The following CFAP69 variants were observed in gnomAD, a reference collection of about 807,000 sequenced individuals.
The protein encoded by CFAP69 is cilia and flagella associated protein 69, also known as cilia- and flagella-associated protein 69.
In CFAP69, 92 loss-of-function variants were observed where a neutral mutation model predicts 123.0. That is an observed-to-expected ratio of 0.75 (90% confidence interval 0.63 to 0.89). CFAP69 has a LOEUF of 0.89. CFAP69 is among the 40% of genes least tolerant of loss of function. The pLI is 0.00. For synonymous variants in CFAP69, 380 were observed against 364.3 expected, an observed-to-expected ratio of 1.04 and a Z score of -0.49; for missense variants, 1,067 against 1,096.9, an observed-to-expected ratio of 0.97 and a Z score of 0.39.
intron 1 of CFAP69, among the ~76,000 whole-genome samples, chr7:90,251,088 A>G (rs1026736002): frequency 1.3e-5 from 2 of 152,154 alleles, no homozygotes; most frequent in African/African-American, 4.8e-5. Context: ...ACAGCATACA[A>G]GATGATCTTT....
At position 90,265,377 on chromosome 7, in the gene CFAP69, G is replaced by T. The variant is rs1799011033; in HGVS notation, c.433G>T (p.Gly145Cys). 6.2e-7 allele frequency: 1 copy of T among 1,600,190 alleles called. No individual in the cohort carries two copies. The highest frequency in any genetic ancestry group is 8.6e-7 in the Non-Finnish European group (1 of 1,169,024). The change falls in exon 5 of 23, where the codon GGT (glycine) becomes TGT (cysteine). Residue 145 changes from glycine to cysteine, a missense_variant and splice_region_variant. Gly to Cys is a radical substitution (Grantham distance 159). Transcript: ENST00000389297. ...EDTANSIALL[G>C]DLMKIPSSEL... Reference sequence around the variant, plus strand: ...TACTGCTAATTCAATTGCACTTCTGGGTAAGTTAAGATTTCCTTAAGGTAT... The same window carrying T: ...TACTGCTAATTCAATTGCACTTCTGTGTAAGTTAAGATTTCCTTAAGGTAT...
intron 6 of CFAP69, among the ~76,000 whole-genome samples, chr7:90,269,275 C>T (rs546200568): frequency 2.7e-4 from 41 of 151,930 alleles, no homozygotes; most frequent in Admixed American, 1.2e-3. Flanking sequence ...GCAACAGGAC[C>T]AGAAATACAG....
At chr7:90,299,797 T>G (rs1792506328) in intron 16 of CFAP69, 70 bp from the exon 17 acceptor site, 1 of 923,680 alleles carries the variant, frequency 1.1e-6, no homozygotes, top group Non-Finnish European at 1.4e-6. Flanking sequence ...TGTTTCTCTC[T>G]TTTTTTTTTG....
chr7:90,290,978 C>T (rs1426665107), intron 15 of CFAP69, among the ~76,000 whole-genome samples: 1 of 151,930 alleles, frequency 6.6e-6, no homozygotes, highest in African/African-American at 2.4e-5. Flanking sequence ...CAAGTAGCCC[C>T]GGCAGCAGCT....
chr7:90,296,437 C>T (rs1213916925), intron 15 of CFAP69, among the ~76,000 whole-genome samples: 1 of 152,076 alleles, frequency 6.6e-6, no homozygotes, highest in Non-Finnish European at 1.5e-5. Flanking sequence ...AAGCTATTCT[C>T]CTGCCTCAGG....
At chr7:90,290,352 C>G (rs1790948758) in intron 15 of CFAP69, among the ~76,000 whole-genome samples, 1 of 152,132 alleles carries the variant, frequency 6.6e-6, no homozygotes, top group African/African-American at 2.4e-5. Flanking sequence ...GCTTGAAGCC[C>G]AAGAAGAGCA....
chr7:90,314,868 C>T (rs189424070), downstream of CFAP69, among the ~76,000 whole-genome samples: 17 of 151,712 alleles, frequency 1.1e-4, no homozygotes, highest in East Asian at 3.3e-3. Context: ...TATCGCTCCC[C>T]CCCCTGCTTT....
At chr7:90,299,723 G>C in intron 16 of CFAP69, 144 bp from the exon 17 acceptor site, 1 of 600,470 alleles carries the variant, frequency 1.7e-6, no homozygotes, top group Non-Finnish European at 2.8e-6. Context: ...ATTACAATGG[G>C]TGTCCATTTT....
chr7:90,295,475 C>T (rs1420415392), intron 15 of CFAP69, among the ~76,000 whole-genome samples: 1 of 152,174 alleles, frequency 6.6e-6, no homozygotes, highest in Non-Finnish European at 1.5e-5. Flanking sequence ...TGGTTTGGGG[C>T]TGAGGGCTTT....
At chr7:90,315,345 G>A (rs1291405006), downstream of CFAP69, among the ~76,000 whole-genome samples, 1 of 152,118 alleles carries the variant, frequency 6.6e-6, no homozygotes, top group Non-Finnish European at 1.5e-5. Context: ...CAAAGACATG[G>A]AATCAACCTA....
intron 9 of CFAP69, among the ~76,000 whole-genome samples, chr7:90,274,327 G>C (rs1248531177): frequency 6.6e-6 from 1 of 152,102 alleles, no homozygotes; most frequent in Non-Finnish European, 1.5e-5. Context: ...ATTTATACAT[G>C]TATTTACCAC....
At position 90,274,048 on chromosome 7, in the gene CFAP69, C is replaced by T. The variant is rs1179729693; in HGVS notation, c.922C>T (p.Leu308Phe). 1.2e-6 allele frequency: 2 copies of T among 1,606,498 alleles called. No homozygotes were observed. The highest frequency in any genetic ancestry group is 1.7e-6 in the Non-Finnish European group (2 of 1,176,968). ...AGGTTTCAGTCATTATGACCGTCAG[C>T]TTAGAAATGACATATTAGTGATCAC... ...MRGFSHYDRQ[L>F]RNDILVITTI... The change falls in exon 9 of 23, where the codon CTT becomes TTT. Residue 308 changes from leucine (L) to phenylalanine (F), a missense_variant. Leu to Phe is a conservative substitution (Grantham distance 22). Transcript: ENST00000389297.
intron 15 of CFAP69, among the ~76,000 whole-genome samples, chr7:90,293,576 G>GA (rs1287581919): frequency 1.0e-4 from 15 of 150,672 alleles, no homozygotes; most frequent in Non-Finnish European, 1.8e-4. Flanking sequence ...TTTAATGTAG[G>GA]AAAAAAAAAT....
chr7:90,246,974 G>C (rs1379300714), intron 1 of CFAP69, among the ~76,000 whole-genome samples: 1 of 151,964 alleles, frequency 6.6e-6, no homozygotes, highest in Non-Finnish European at 1.5e-5. Flanking sequence ...TCTTTCCAGG[G>C]CCTAGGATTC....
intron 4 of CFAP69, among the ~76,000 whole-genome samples, chr7:90,264,104 A>AAATAT (rs1554354285): frequency 5.1e-4 from 25 of 48,854 alleles, no homozygotes; most frequent in South Asian, 7.8e-4. Flanking sequence ...AAAAAAAAAA[A>AAATAT]ATATATATAT....
chr7:90,316,994 G>C, the CFAP69 span: 1 of 152,002 alleles, frequency 6.6e-6, no homozygotes, highest in Admixed American at 6.6e-5. Context: ...GACTGTAAAA[G>C]AGAACTGTTT....
intron 15 of CFAP69, among the ~76,000 whole-genome samples, chr7:90,289,078 T>A (rs1430020998): frequency 6.6e-6 from 1 of 152,070 alleles, no homozygotes; most frequent in Non-Finnish European, 1.5e-5. Context: ...TGTTAAAAAC[T>A]GATTCAAACA....
At chr7:90,263,434 G>C (rs1254112522) in intron 4 of CFAP69, among the ~76,000 whole-genome samples, 7 of 152,140 alleles carry the variant, frequency 4.6e-5, no homozygotes, top group Non-Finnish European at 1.0e-4. Context: ...CATGGCATTA[G>C]AAGTATAATG....
At position 90,293,329 on chromosome 7, in the gene CFAP69, C is replaced by A. The variant is rs535518095; in HGVS notation, c.1776-4420C>A. On this transcript the variant is annotated intron_variant, in intron 15 of 22. Coordinates refer to ENST00000389297, the MANE Select transcript of CFAP69 (RefSeq NM_001039706.3). The stretch of plus-strand genomic sequence containing the variant: ...TAATGTTTGACCATAAGGTAAGATT[C>A]TCATAAACCTTTTATAACCCTTTAC... 2.0e-5 allele frequency among the ~76,000 whole-genome samples: 3 copies of A among 152,240 alleles called. No homozygotes were observed. The East Asian group carries it at 5.8e-4, about 29-fold the overall frequency.
Sources: gnomAD v4.1 joint callset for allele counts (sites outside exome capture counted in the v4.1 genomes callset) on GRCh38, gnomAD v4.1.1 for gene constraint, MANE v1.5 for transcripts, NCBI Gene and HGNC (gene_info 2026-07-23, HGNC 2026-07-21) for gene names.